LRTM3: variants seen among roughly 807,000 people sequenced by gnomAD.
LRTM3 encodes leucine-rich repeat transmembrane protein 3.
chr13:102,744,254 C>A, the LRTM3 span: 1 of 1,550,166 alleles, frequency 6.5e-7, no homozygotes, highest in African/African-American at 1.4e-5. Flanking sequence ...ACTTTTCTTG[C>A]CTATAAACTC....
the LRTM3 span, among the ~76,000 whole-genome samples, chr13:102,755,961 A>AT: frequency 7.4e-3 from 394 of 53,406 alleles, 2 homozygotes; most frequent in African/African-American, 0.021. Flanking sequence ...ATATATATAT[A>AT]TTTTTTTTTT....
At chr13:102,733,799 C>T in the LRTM3 span, 3 of 1,551,412 alleles carry the variant, frequency 1.9e-6, no homozygotes, top group Non-Finnish European at 2.6e-6. Context: ...TTGCTGGACG[C>T]TGATCATGAA....
chr13:102,731,839 A>G, the LRTM3 span: 4 of 1,549,394 alleles, frequency 2.6e-6, no homozygotes, highest in Non-Finnish European at 3.5e-6. Flanking sequence ...GTAACTTTGG[A>G]TCTTCAAGCA....
the LRTM3 span, chr13:102,731,886 G>C: frequency 6.5e-7 from 1 of 1,549,324 alleles, no homozygotes; most frequent in Non-Finnish European, 8.7e-7. Context: ...ATGCGTTTTA[G>C]AATCTTTTCT....
chr13:102,738,379 T>G, the LRTM3 span: 2 of 1,550,956 alleles, frequency 1.3e-6, no homozygotes, highest in Non-Finnish European at 1.7e-6. Context: ...TGACATACTC[T>G]GCTTTTTCTC....
At chr13:102,732,460 T>C in the LRTM3 span, 1 of 1,551,100 alleles carries the variant, frequency 6.4e-7, no homozygotes, top group South Asian at 1.2e-5. Flanking sequence ...TTAATCTGCC[T>C]TTCTGATCTT....
the LRTM3 span, chr13:102,742,521 A>T: frequency 6.4e-7 from 1 of 1,550,444 alleles, no homozygotes. Context: ...ATCTTAGAGA[A>T]AAAAACAGAT....
At chr13:102,734,091 T>A in the LRTM3 span, 1 of 1,551,452 alleles carries the variant, frequency 6.4e-7, no homozygotes, top group Non-Finnish European at 8.7e-7. Context: ...TGTACTTTTT[T>A]CTCCAGTTTG....
the LRTM3 span, chr13:102,739,296 CT>C: frequency 6.5e-7 from 1 of 1,549,496 alleles, no homozygotes; most frequent in Non-Finnish European, 8.7e-7. Flanking sequence ...TCTTTCACAT[CT>C]ACTATATTTT....
the LRTM3 span, chr13:102,749,750 G>C: frequency 1.3e-6 from 2 of 1,551,308 alleles, no homozygotes; most frequent in Non-Finnish European, 1.7e-6. Context: ...GGCTTGACTA[G>C]TAAATTGGAC....
chr13:102,753,495 A>T, the LRTM3 span, among the ~76,000 whole-genome samples: 3 of 31,426 alleles, frequency 9.5e-5, no homozygotes, highest in South Asian at 1.8e-3. Context: ...AAGTAAAATT[A>T]AAAAAAAAAA....
the LRTM3 span, chr13:102,733,883 A>G: frequency 4.5e-6 from 7 of 1,551,060 alleles, no homozygotes; most frequent in Non-Finnish European, 6.1e-6. Context: ...GTTTTTATCA[A>G]CGCCTTCAAC....
chr13:102,748,979 C>A, the LRTM3 span: 1 of 1,550,558 alleles, frequency 6.4e-7, no homozygotes. Flanking sequence ...CAGAAAATGT[C>A]CACATTTTAT....
At chr13:102,748,769 A>G in the LRTM3 span, 1 of 1,550,408 alleles carries the variant, frequency 6.4e-7, no homozygotes, top group African/African-American at 1.4e-5. Flanking sequence ...TTCTACTAGT[A>G]AACAAGGTGC....
the LRTM3 span, chr13:102,733,206 C>G: frequency 1.3e-6 from 2 of 1,551,434 alleles, no homozygotes; most frequent in Non-Finnish European, 1.7e-6. Context: ...TTTTTCATGA[C>G]AATATCTTGT....
the LRTM3 span, chr13:102,737,029 A>G: frequency 4.4e-5 from 68 of 1,551,048 alleles, no homozygotes; most frequent in Admixed American, 1.3e-3. Context: ...TTTCCTGTAC[A>G]TGTCTCAATT....
chr13:102,733,766 C>A, the LRTM3 span: 11 of 1,551,230 alleles, frequency 7.1e-6, no homozygotes, highest in South Asian at 3.6e-5. Flanking sequence ...TTCTTCTGAC[C>A]TGACTCGTGA....
At chr13:102,741,689 A>G in the LRTM3 span, 14 of 1,550,408 alleles carry the variant, frequency 9.0e-6, no homozygotes, top group East Asian at 3.4e-4. Context: ...TGTAAAAAAT[A>G]TATTCTGTCC....
the LRTM3 span, among the ~76,000 whole-genome samples, chr13:102,754,872 T>TAAACAGAG: frequency 6.6e-6 from 1 of 152,128 alleles, no homozygotes; most frequent in African/African-American, 2.4e-5. Context: ...TAGTAACAAA[T>TAAACAGAG]AAACAGAGTC....
Sources: gnomAD v4.1 joint callset for allele counts (sites outside exome capture counted in the v4.1 genomes callset) on GRCh38, gnomAD v4.1.1 for gene constraint, MANE v1.5 for transcripts, NCBI Gene and HGNC (gene_info 2026-07-23, HGNC 2026-07-21) for gene names.